Variants in CDYL observed in about 807,000 individuals in gnomAD.
The protein encoded by CDYL is chromodomain Y like, also known as chromodomain Y-like protein.
CDYL carries 8 observed loss-of-function variants against 47.3 expected under a neutral mutation model. That is an observed-to-expected ratio of 0.17 (90% CI 0.10 to 0.31). The LOEUF (loss-of-function observed/expected upper bound fraction) is 0.31. CDYL is among the 10% of genes least tolerant of loss of function. The pLI is 1.00. For missense variants in CDYL, 471 were observed against 701.4 expected (o/e 0.67, Z 3.71); for synonymous variants, 266 against 265.0 (o/e 1.00, Z -0.04).
At position 4,776,824 on chromosome 6, in the gene CDYL, C is replaced by CCCCCCCCGGG; in HGVS notation, c.24+17_24+18insCCCCCCCGGG. ...CTGTACGAGGTACCTCCCCTCCCCC[C>CCCCCCCCGGG]GGCCTCGGGCCGCCCCCCGCCCGCC... On this transcript the variant is annotated intron_variant, in intron 1 of 6. Coordinates refer to ENST00000397588, the MANE Select transcript of CDYL (RefSeq NM_004824.4). The CCCCCCCCGGG allele has an allele frequency of 3.0e-6, 3 of 987,984 alleles. No homozygotes were observed. The highest frequency in any genetic ancestry group is 3.7e-6 in the Non-Finnish European group (3 of 818,702). 61.2% of individuals were successfully genotyped at this position (987,984 alleles called of 1,614,324 possible).
At chr6:4,754,960 C>G (rs1328105087) in intron 3 of CDYL, among the ~76,000 whole-genome samples, 2 of 152,074 alleles carry the variant, frequency 1.3e-5, no homozygotes, top group Non-Finnish European at 2.9e-5. Context: ...TGACCCCTTT[C>G]TTGAATTCTG....
At chr6:4,892,447 C>G (rs1488501194) in intron 2 of CDYL, 68 bp downstream of exon 2, 15 of 1,489,612 alleles carry the variant, frequency 1.0e-5, no homozygotes, top group Non-Finnish European at 1.3e-5. Flanking sequence ...CTCTAGAGAT[C>G]AGGCCTTGAG....
intron 3 of CDYL, among the ~76,000 whole-genome samples, chr6:4,740,110 TGAC>T (rs917076062): frequency 2.6e-5 from 4 of 152,308 alleles, no homozygotes; most frequent in African/African-American, 9.6e-5. Context: ...GGAGAGTGTC[TGAC>T]TTTTATTAGA....
intron 2 of CDYL, among the ~76,000 whole-genome samples, chr6:4,904,253 G>A (rs573067045): frequency 2.6e-5 from 4 of 152,160 alleles, no homozygotes; most frequent in South Asian, 2.1e-4. Flanking sequence ...TGATGACACC[G>A]AATGAATGAG....
intron 1 of CDYL, among the ~76,000 whole-genome samples, chr6:4,808,962 T>G (rs933644233): frequency 1.3e-5 from 2 of 152,196 alleles, no homozygotes; most frequent in Admixed American, 1.3e-4. Context: ...AATATTGATG[T>G]GGCTTCCAAG....
At chr6:4,813,621 ATG>A (rs1315770814) in intron 1 of CDYL, among the ~76,000 whole-genome samples, 1 of 152,186 alleles carries the variant, frequency 6.6e-6, no homozygotes, top group Non-Finnish European at 1.5e-5. Context: ...CCATTTGTGC[ATG>A]TGTGTGTATA....
intron 2 of CDYL, among the ~76,000 whole-genome samples, chr6:4,907,147 G>A (rs1255279861): frequency 6.6e-6 from 1 of 152,204 alleles, no homozygotes; most frequent in African/African-American, 2.4e-5. Context: ...GCTACTCTGA[G>A]CTCAAGTGAG....
intron 2 of CDYL, among the ~76,000 whole-genome samples, chr6:4,895,820 A>G (rs903422768): frequency 1.3e-5 from 2 of 152,234 alleles, no homozygotes; most frequent in South Asian, 2.1e-4. Context: ...TAAGGAAGAT[A>G]ATAATAGCTT....
At chr6:4,884,402 A>G (rs1287841355) in intron 1 of CDYL, among the ~76,000 whole-genome samples, 2 of 152,178 alleles carry the variant, frequency 1.3e-5, no homozygotes, top group Non-Finnish European at 2.9e-5. Context: ...GTGTGAGACA[A>G]ATTGAGTGGA....
intron 3 of CDYL, among the ~76,000 whole-genome samples, chr6:4,741,739 G>A (rs1343861420): frequency 6.6e-6 from 1 of 152,214 alleles, no homozygotes; most frequent in Non-Finnish European, 1.5e-5. Flanking sequence ...GCAGCAATGT[G>A]CCTGGGTGAA....
intron 2 of CDYL, among the ~76,000 whole-genome samples, chr6:4,728,419 C>T (rs1027269791): frequency 5.3e-5 from 8 of 152,194 alleles, no homozygotes; most frequent in African/African-American, 1.7e-4. Context: ...TTCACTCCCC[C>T]ATCCTTGCAT....
chr6:4,954,328 T>TA lies in CDYL; in HGVS notation c.*272_*273insA, dbSNP rs1169512933. On this transcript the variant is annotated 3_prime_UTR_variant, in exon 7 of 7. Coordinates refer to ENST00000397588, the MANE Select transcript of CDYL (RefSeq NM_004824.4). ...AAAAGTATAAAGGTGAGCACTAGAC[T>TA]GCTCTTAGAAGCTCTAATTTTTGTT... 2 of 253,910 alleles carry TA rather than the reference T, an allele frequency of 7.9e-6. No individual in the cohort carries two copies. Among genetic ancestry groups the TA allele is most frequent in the Non-Finnish European group, 1.5e-5 (2 of 134,768 alleles). The allele number at this position is 253,910 out of a possible 1,614,324, so 15.7% of individuals were successfully genotyped here. A position where few individuals can be genotyped will look rare whatever the true frequency, so the allele number is the denominator to read the frequency against.
At chr6:4,843,382 G>T (rs1760560105) in intron 1 of CDYL, among the ~76,000 whole-genome samples, 1 of 151,908 alleles carries the variant, frequency 6.6e-6, no homozygotes, top group South Asian at 2.1e-4. Context: ...GCAAGGCCGG[G>T]GAAGTTTTCC....
intron 5 of CDYL, among the ~76,000 whole-genome samples, chr6:4,950,595 G>A (rs1758668049): frequency 6.6e-6 from 1 of 152,162 alleles, no homozygotes; most frequent in Non-Finnish European, 1.5e-5. Context: ...TCTTTTCACT[G>A]AGAAGAAGCT....
intron 1 of CDYL, among the ~76,000 whole-genome samples, chr6:4,863,406 T>C (rs1394656789): frequency 6.6e-6 from 1 of 152,238 alleles, no homozygotes; most frequent in Non-Finnish European, 1.5e-5. Flanking sequence ...GCCTCGCTTT[T>C]CGTGGCAAAA....
At chr6:4,883,830 G>T (rs1368623075) in intron 1 of CDYL, among the ~76,000 whole-genome samples, 2 of 152,184 alleles carry the variant, frequency 1.3e-5, no homozygotes, top group Non-Finnish European at 2.9e-5. Context: ...CCTCCTAGAA[G>T]CATAGTGACT....
At chr6:4,844,127 C>T (rs942143272) in intron 1 of CDYL, among the ~76,000 whole-genome samples, 3 of 152,242 alleles carry the variant, frequency 2.0e-5, no homozygotes, top group African/African-American at 4.8e-5. Context: ...GCAGAGATAC[C>T]GGGCTCTGGG....
chr6:4,720,145 C>CA (rs1187419102), intron 2 of CDYL, among the ~76,000 whole-genome samples: 5 of 152,200 alleles, frequency 3.3e-5, no homozygotes, highest in Admixed American at 2.6e-4. Context: ...GATCTTATTT[C>CA]ATGTCCTCAC....
At chr6:4,776,912 C>A in intron 1 of CDYL, 105 bp downstream of exon 1, 1 of 373,592 alleles carries the variant, frequency 2.7e-6, no homozygotes, top group Non-Finnish European at 3.7e-6. Context: ...CGCCGCGTCC[C>A]CTCCCCCGCC....
Sources: allele counts gnomAD v4.1 joint callset (sites outside exome capture counted in the v4.1 genomes callset), GRCh38; gene constraint gnomAD v4.1.1; transcripts MANE v1.5; gene names NCBI Gene and HGNC (gene_info 2026-07-23, HGNC 2026-07-21).